Variants in KPNA4 observed in about 807,000 individuals in gnomAD.
The protein encoded by KPNA4 is karyopherin subunit alpha 4, also known as importin subunit alpha-3.
Under a neutral mutation model 71.3 loss-of-function variants are expected in KPNA4, and 13 were observed. The observed-to-expected ratio is 0.18, with a 90% CI of 0.12 to 0.29. KPNA4 has a LOEUF of 0.29. Ranked by LOEUF, KPNA4 falls within the 10% of genes least tolerant of loss-of-function variation. The probability of loss-of-function intolerance (pLI) is 1.00; values close to 1 mark genes in which losing one functional copy is unlikely to be tolerated. For synonymous variants in KPNA4, 189 were observed against 195.2 expected, an observed-to-expected ratio of 0.97 and a Z score of 0.26; for missense variants, 334 against 603.2, an observed-to-expected ratio of 0.55 and a Z score of 4.67.
At chr3:160,504,834 T>C (rs548373027) in intron 16 of KPNA4, 124 bp downstream of exon 16, 5 of 391,330 alleles carry the variant, frequency 1.3e-5, no homozygotes, top group East Asian at 7.9e-5. Context: ...ATTACTGTCA[T>C]ACATCTATTT....
In KPNA4 at chr3:160,514,448, C is replaced by T. The variant is rs535041877; in HGVS notation, c.1033-267G>A. Among the ~76,000 whole-genome samples the T allele has an allele frequency of 2.0e-5, 3 of 152,294 alleles. 1 individual carries two copies. Among genetic ancestry groups the T allele is most frequent in the African/African-American group, 7.2e-5 (3 of 41,560 alleles). On this transcript the variant is annotated intron_variant, in intron 12 of 16. Coordinates refer to ENST00000334256, the MANE Select transcript of KPNA4 (RefSeq NM_002268.5). ...CCCAAACAGTGTGGCTCAAAAGAAGCTTGGCTGAACAAATTTGAATGAGCA... is the reference window on the plus strand; with the variant it reads ...CCCAAACAGTGTGGCTCAAAAGAAGTTTGGCTGAACAAATTTGAATGAGCA...
chr3:160,502,559 C>T (rs1248131118), intron 16 of KPNA4, among the ~76,000 whole-genome samples: 5 of 151,774 alleles, frequency 3.3e-5, no homozygotes, highest in African/African-American at 9.7e-5. Context: ...TTTGTAGAGA[C>T]GGAGTTTCAC....
intron 14 of KPNA4, among the ~76,000 whole-genome samples, chr3:160,508,622 AT>A (rs1481229543): frequency 6.6e-6 from 1 of 152,072 alleles, no homozygotes; most frequent in African/African-American, 2.4e-5. Context: ...GCTATTTTTA[AT>A]TTAATTAATT....
intron 5 of KPNA4, among the ~76,000 whole-genome samples, chr3:160,532,526 C>T (rs1721594635): frequency 6.6e-6 from 1 of 152,182 alleles, no homozygotes; most frequent in African/African-American, 2.4e-5. Flanking sequence ...AAAAGACAGA[C>T]ACATCACTGC....
chr3:160,526,669 C>G (rs982293734), intron 8 of KPNA4, among the ~76,000 whole-genome samples: 1 of 152,186 alleles, frequency 6.6e-6, no homozygotes, highest in African/African-American at 2.4e-5. Flanking sequence ...GGTTTGAGAA[C>G]CACTGCTGCA....
At chr3:160,545,614 C>A (rs1721887864) in intron 1 of KPNA4, among the ~76,000 whole-genome samples, 1 of 152,154 alleles carries the variant, frequency 6.6e-6, no homozygotes, top group African/African-American at 2.4e-5. Context: ...AGCCACTGCA[C>A]AGATTTTGGC....
intron 1 of KPNA4, among the ~76,000 whole-genome samples, chr3:160,553,244 T>C (rs1722075937): frequency 6.6e-6 from 1 of 152,182 alleles, no homozygotes; most frequent in Non-Finnish European, 1.5e-5. Context: ...GTTACACTTC[T>C]CATGTGATAC....
In KPNA4 at chr3:160,534,718, GAAA is replaced by G. The variant is rs544384718; in HGVS notation, c.287+792_287+794del. On this transcript the variant is annotated intron_variant, in intron 5 of 16. Transcript: ENST00000334256. ...GGCGACAGAGTGAGACTCCATCTCA[GAAA>G]AAAAAAAAAAAAAAGAAATGTTCAA... 2.5e-4 allele frequency among the ~76,000 whole-genome samples: 18 copies of G among 73,136 alleles called. 1 individual carries two copies. Among genetic ancestry groups the G allele is most frequent in the African/African-American group, 5.9e-4 (11 of 18,792 alleles). The allele number at this position is 73,136 out of a possible 152,430, so 48.0% of individuals were successfully genotyped here. A position where few individuals can be genotyped will look rare whatever the true frequency, so the allele number is the denominator to read the frequency against.
intron 13 of KPNA4, among the ~76,000 whole-genome samples, chr3:160,512,824 T>A (rs1455876879): frequency 1.3e-5 from 2 of 150,712 alleles, no homozygotes; most frequent in Non-Finnish European, 3.0e-5. Flanking sequence ...AGCGAGACCG[T>A]CTAAAAAAAA....
chr3:160,523,858 A>G (rs1171395547), intron 10 of KPNA4, among the ~76,000 whole-genome samples: 8 of 151,248 alleles, frequency 5.3e-5, no homozygotes. Flanking sequence ...CTCAAAAAGA[A>G]AAAAAAAAGA....
At chr3:160,523,336 A>AT (rs1277699205) in intron 10 of KPNA4, among the ~76,000 whole-genome samples, 1 of 151,978 alleles carries the variant, frequency 6.6e-6, no homozygotes, top group Admixed American at 6.6e-5. Flanking sequence ...GGCATTGTTT[A>AT]TTTTTTCTTG....
chr3:160,559,205 G>A (rs892608954), intron 1 of KPNA4, among the ~76,000 whole-genome samples: 4 of 152,064 alleles, frequency 2.6e-5, no homozygotes, highest in South Asian at 2.1e-4. Context: ...TGGCTTCAAC[G>A]ATAACCATTT....
chr3:160,530,577 C>G (rs1721553829), intron 7 of KPNA4, among the ~76,000 whole-genome samples: 1 of 152,082 alleles, frequency 6.6e-6, no homozygotes, highest in Non-Finnish European at 1.5e-5. Context: ...TACTGATGTC[C>G]TATAAATAAA....
chr3:160,531,617 T>C, intron 5 of KPNA4, 60 bp from the exon 6 acceptor site: 1 of 815,740 alleles, frequency 1.2e-6, no homozygotes, highest in Non-Finnish European at 1.9e-6. Flanking sequence ...TGATTAAATA[T>C]AAATTCATAT....
At chr3:160,561,782 A>G (rs1161903811) in intron 1 of KPNA4, among the ~76,000 whole-genome samples, 1 of 152,172 alleles carries the variant, frequency 6.6e-6, no homozygotes, top group East Asian at 1.9e-4. Flanking sequence ...GAGAGAAAAA[A>G]CAGCCACTGA....
chr3:160,517,711 A>C (rs1426980811), intron 11 of KPNA4, among the ~76,000 whole-genome samples: 1 of 152,028 alleles, frequency 6.6e-6, no homozygotes, highest in African/African-American at 2.4e-5. Context: ...TTAATGACTA[A>C]TGATGTTGAG....
rs552519873 is a variant in KPNA4 at position 160,530,815 on chromosome 3, T to TA, written c.469+39dup. On this transcript the variant is annotated intron_variant, in intron 7 of 16. Transcript: ENST00000334256. ...ATCACTATTTTTTACCGACTTCTTT[T>TA]AAAAAAAATCACAATTATGTTTATT... 1.0e-3 allele frequency: 1,413 copies of TA among 1,410,912 alleles called. 11 individuals carry two copies. In the African/African-American group the frequency reaches 0.016, roughly 16 times the overall value. 87.4% of individuals were successfully genotyped at this position (1,410,912 alleles called of 1,614,324 possible). A position where few individuals can be genotyped will look rare whatever the true frequency, so the allele number is the denominator to read the frequency against.
intron 5 of KPNA4, among the ~76,000 whole-genome samples, chr3:160,532,023 T>G (rs534441255): frequency 1.3e-5 from 2 of 152,288 alleles, no homozygotes; most frequent in South Asian, 4.1e-4. Flanking sequence ...AACTCCTGAC[T>G]TCAGGTGATC....
At chr3:160,517,661 G>A (rs1009822364) in intron 11 of KPNA4, among the ~76,000 whole-genome samples, 3 of 152,020 alleles carry the variant, frequency 2.0e-5, no homozygotes, top group Non-Finnish European at 4.4e-5. Context: ...ATCCTGGTGG[G>A]TGTGAAGTAG....
Sources: allele counts gnomAD v4.1 joint callset (sites outside exome capture counted in the v4.1 genomes callset), GRCh38; gene constraint gnomAD v4.1.1; transcripts MANE v1.5; gene names NCBI Gene and HGNC (gene_info 2026-07-23, HGNC 2026-07-21).